The following STT3A variants were observed in gnomAD, a reference collection of about 807,000 sequenced individuals.
STT3A encodes the protein STT3 oligosaccharyltransferase complex catalytic subunit A.
A neutral mutation model predicts 89.2 loss-of-function variants in STT3A; 34 were observed. That is an observed-to-expected ratio of 0.38 (90% CI 0.29 to 0.51). The LOEUF is 0.51. STT3A is among the 20% of genes least tolerant of loss of function. The probability of loss-of-function intolerance (pLI) is 0.89; values close to 1 mark genes in which losing one functional copy is unlikely to be tolerated. For synonymous variants in STT3A, 282 were observed against 310.3 expected (o/e 0.91, Z 0.96); for missense variants, 555 against 889.5 (o/e 0.62, Z 4.78).
In STT3A at chr11:125,614,176, T is replaced by C; in HGVS notation, c.1644T>C (p.Asn548=). The C allele has an allele frequency of 6.2e-7, 1 of 1,614,190 alleles. No individual in the cohort carries two copies. The highest frequency in any genetic ancestry group is 8.5e-7 in the Non-Finnish European group (1 of 1,180,018). The change falls in exon 14 of 18, where the codon AAT becomes AAC. Residue 548 remains asparagine, a synonymous_variant. Transcript: ENST00000392708. This position sits in a 1 kb window ranked among gnomAD's most constrained non-coding sequence, Gnocchi z 4.9. ...RTILVDNNTW[N]NTHISRVGQA... is the part of the protein sequence containing the mutation. ...TTTTAGTGGACAATAACACATGGAATAATACCCATATTTCTCGAGTAGGGC... is the reference window on the plus strand; with the variant it reads ...TTTTAGTGGACAATAACACATGGAACAATACCCATATTTCTCGAGTAGGGC...
At position 125,602,800 on chromosome 11, in the gene STT3A, C is replaced by T. The variant is rs758201353; in HGVS notation, c.272-3C>T. The T allele has an allele frequency of 1.9e-6, 3 of 1,614,078 alleles. No individual in the cohort carries two copies. Among genetic ancestry groups the T allele is most frequent in the Middle Eastern group, 1.6e-4 (1 of 6,062 alleles). On this transcript the variant is annotated splice_region_variant and splice_polypyrimidine_tract_variant and intron_variant, in intron 4 of 17. Coordinates refer to ENST00000392708, the MANE Select transcript of STT3A (RefSeq NM_152713.5). ...CTAATGGAGTTTCTTCTTCCTGTTACAGGTTTAATGATCACCTCTGCTGCA... is the reference window on the plus strand; with the variant it reads ...CTAATGGAGTTTCTTCTTCCTGTTATAGGTTTAATGATCACCTCTGCTGCA...
intron 15 of STT3A, among the ~76,000 whole-genome samples, chr11:125,615,081 G>C (rs1940138051): frequency 1.3e-5 from 2 of 152,108 alleles, no homozygotes; most frequent in South Asian, 4.2e-4. Context: ...TTCATGACCA[G>C]CCTGGGCAAC....
At chr11:125,596,491 T>C (rs1030851457) in intron 2 of STT3A, among the ~76,000 whole-genome samples, 5 of 152,176 alleles carry the variant, frequency 3.3e-5, no homozygotes, top group African/African-American at 1.2e-4. Flanking sequence ...TGATCATCTT[T>C]GAAAGAATGG....
intron 3 of STT3A, among the ~76,000 whole-genome samples, chr11:125,597,350 T>A (rs1447690548): frequency 1.3e-5 from 2 of 149,460 alleles, no homozygotes; most frequent in Non-Finnish European, 3.0e-5. Context: ...TTTGGGAGGC[T>A]GAGGTGGAGG....
Position 125,611,492 on chromosome 11 carries a change from G to A in STT3A, c.1182G>A (p.Val394=). The part of the protein sequence containing the change: ...DARIFIIMYG[V]TSMYFSAVMV... Reference sequence around the variant, plus strand: ...GGATTTTTATCATCATGTATGGTGTGACCAGCATGTACTTTTCAGCTGTAA... The same window carrying A: ...GGATTTTTATCATCATGTATGGTGTAACCAGCATGTACTTTTCAGCTGTAA... The change falls in exon 11 of 18, where the codon GTG becomes GTA. Residue 394 remains valine, a synonymous_variant. Transcript: ENST00000392708. 1 of 1,613,932 alleles carries A rather than the reference G, an allele frequency of 6.2e-7. No homozygotes were observed. The highest frequency in any genetic ancestry group is 8.5e-7 in the Non-Finnish European group (1 of 1,179,924).
At chr11:125,610,141 C>T (rs7117963) in intron 10 of STT3A, among the ~76,000 whole-genome samples, 42,592 of 147,802 alleles carry the variant, frequency 0.29, 6,205 homozygotes, top group East Asian at 0.42. Context: ...CAGCTTACTG[C>T]GGCCTCTGCC....
At chr11:125,596,056 A>G in intron 2 of STT3A, 53 bp downstream of exon 2, 1 of 1,419,378 alleles carries the variant, frequency 7.0e-7, no homozygotes, top group Admixed American at 2.1e-5. Context: ...AAGAAAGTCT[A>G]GAAAAAAATT....
rs1036654152 is a variant in STT3A, at chr11:125,621,089, A to T, written c.*279A>T. ...TGTGCCTTATTTGTTTTGACTTATA[A>T]CTGATTTGAGGGAGGCAAAAGCTAT... is the stretch of plus-strand genomic sequence containing the variant. On this transcript the variant is annotated 3_prime_UTR_variant, in exon 18 of 18. Coordinates refer to ENST00000392708, the MANE Select transcript of STT3A (RefSeq NM_152713.5). 1.6e-5 allele frequency: 5 copies of T among 314,546 alleles called. No individual in the cohort carries two copies. The highest frequency in any genetic ancestry group is 2.9e-5 in the Non-Finnish European group (5 of 171,508). The allele number at this position is 314,546 out of a possible 1,614,324, so 19.5% of individuals were successfully genotyped here.
In STT3A at chr11:125,609,489, T is replaced by C. The variant is rs755856461; in HGVS notation, c.1017T>C (p.Ala339=). The change falls in exon 10 of 18, where the codon GCT becomes GCC. Residue 339 remains alanine (A), a synonymous_variant. Transcript: ENST00000392708. ...ACTCGCTGCTGGATCCCTCTTATGC[T>C]AAGAACAACATCCCCATCATTGCTT... is the stretch of plus-strand genomic sequence containing the variant. ...RFYSLLDPSY[A]KNNIPIIASV... 6.2e-7 allele frequency: 1 copy of C among 1,614,182 alleles called. No homozygotes were observed.
intron 2 of STT3A, 62 bp from the exon 3 acceptor site, chr11:125,596,994 ATAC>A (rs1939517649): frequency 1.3e-6 from 2 of 1,535,756 alleles, no homozygotes; most frequent in Admixed American, 3.3e-5. Flanking sequence ...CTTCATTATA[ATAC>A]TATATCTGCT....
intron 7 of STT3A, 56 bp from the exon 8 acceptor site, chr11:125,606,245 G>A: frequency 1.4e-6 from 2 of 1,478,018 alleles, no homozygotes; most frequent in Non-Finnish European, 1.9e-6. Flanking sequence ...ACAATATAGT[G>A]GTGGTGGTCT....
chr11:125,592,487 A>G (rs929136110), upstream of STT3A: 1 of 455,778 alleles, frequency 2.2e-6, no homozygotes, highest in Non-Finnish European at 4.4e-6. Context: ...GGCCTATTTC[A>G]GCGTAGTTTC....
rs543384966 is a variant in STT3A at position 125,622,767 on chromosome 11, G to A, written c.*1957G>A. On this transcript the variant is annotated 3_prime_UTR_variant, in exon 18 of 18. Coordinates refer to ENST00000392708, the MANE Select transcript of STT3A (RefSeq NM_152713.5). ...TAAAGACTTTCTCAAATTCTTGCTA[G>A]TCTGCTCCTCTTTAAGAGTGGGACC... 6.6e-6 allele frequency: 1 copy of A among 152,148 alleles called. No homozygotes were observed. Among genetic ancestry groups the A allele is most frequent in the Non-Finnish European group, 1.5e-5 (1 of 68,044 alleles). 9.4% of individuals were successfully genotyped at this position (152,148 alleles called of 1,614,324 possible).
intron 3 of STT3A, among the ~76,000 whole-genome samples, chr11:125,598,976 G>C (rs1196269178): frequency 6.6e-6 from 1 of 152,176 alleles, no homozygotes; most frequent in African/African-American, 2.4e-5. Flanking sequence ...AAATATTGAT[G>C]TTAGATAATC....
At chr11:125,618,687 C>A (rs1053468013) in intron 16 of STT3A, 126 bp downstream of exon 16, 10 of 894,772 alleles carry the variant, frequency 1.1e-5, no homozygotes, top group African/African-American at 3.4e-5. Context: ...CTCACAGCAA[C>A]CCCAAAGGCA....
chr11:125,594,025 T>C (rs973535596), intron 1 of STT3A, among the ~76,000 whole-genome samples: 4 of 152,166 alleles, frequency 2.6e-5, no homozygotes, highest in Non-Finnish European at 1.5e-5. Flanking sequence ...ACAACAAAAA[T>C]ACACAATTTG....
Position 125,595,837 on chromosome 11 carries a change from T to C in STT3A, c.-35-44T>C, listed in dbSNP as rs181486267. ...TCATAAAATATGAAAATTAAGTAAATTGAAGGTGTTCAATATCTTGTGGTC... is the reference window on the plus strand; with the variant it reads ...TCATAAAATATGAAAATTAAGTAAACTGAAGGTGTTCAATATCTTGTGGTC... On this transcript the variant is annotated intron_variant, in intron 1 of 17. Coordinates refer to ENST00000392708, the MANE Select transcript of STT3A (RefSeq NM_152713.5). The C allele has an allele frequency of 2.3e-4, 209 of 899,354 alleles. 2 individuals are homozygous for C. The Admixed American group carries it at 4.0e-3, about 17-fold the overall frequency. 55.7% of individuals were successfully genotyped at this position (899,354 alleles called of 1,614,324 possible).
In STT3A at chr11:125,609,292, C is replaced by CTT. The variant is rs943376237; in HGVS notation, c.962-141_962-140insTT. ...GAAAGAAAGGAAGGAGTGAAACTCT[C>CTT]TAAGTATTGGTGGCAATTAAGCAAA... On this transcript the variant is annotated intron_variant, in intron 9 of 17. Coordinates refer to ENST00000392708, the MANE Select transcript of STT3A (RefSeq NM_152713.5). 4.0e-6 allele frequency: 4 copies of CTT among 1,000,414 alleles called. No homozygotes were observed. In the African/African-American group the frequency reaches 6.6e-5, roughly 16 times the overall value. 62.0% of individuals were successfully genotyped at this position (1,000,414 alleles called of 1,614,324 possible).
chr11:125,597,660 G>C (rs1939536050), intron 3 of STT3A, among the ~76,000 whole-genome samples: 1 of 152,014 alleles, frequency 6.6e-6, no homozygotes, highest in Non-Finnish European at 1.5e-5. Flanking sequence ...ACATTTTGCT[G>C]TTTGTTTGTT....
Sources: gnomAD v4.1 joint callset for allele counts (sites outside exome capture counted in the v4.1 genomes callset) on GRCh38, gnomAD v4.1.1 for gene constraint, Gnocchi (gnomAD v3.1) non-coding constraint, MANE v1.5 for transcripts, NCBI Gene and HGNC (gene_info 2026-07-23, HGNC 2026-07-21) for gene names.